The following IL1RAP variants were observed in gnomAD, a reference collection of about 807,000 sequenced individuals.
IL1RAP encodes the protein interleukin-1 receptor accessory protein.
Under a neutral mutation model 60.7 loss-of-function variants are expected in IL1RAP, and 35 were observed. The observed-to-expected ratio is 0.58, with a 90% confidence interval of 0.44 to 0.76. IL1RAP has a LOEUF of 0.76. IL1RAP is among the 30% of genes least tolerant of loss of function. The pLI, the probability that IL1RAP is intolerant of heterozygous loss-of-function variation, is 0.00. For missense variants in IL1RAP, 572 were observed against 693.9 expected (o/e 0.82, Z 1.97); for synonymous variants, 268 against 250.9 (o/e 1.07, Z -0.64).
rs112273525 is a variant in IL1RAP at position 190,515,706 on chromosome 3, G to A, written c.-89+1487G>A. 2.1e-4 allele frequency among the ~76,000 whole-genome samples: 32 copies of A among 152,050 alleles called. 1 individual carries two copies. Among genetic ancestry groups the A allele is most frequent in the African/African-American group, 7.2e-4 (30 of 41,494 alleles). ...AAGAGGGTCTTGAAATGGGTGAGAG[G>A]CAGAAAGACAAGAAGACAAAGTTGG... On this transcript the variant is annotated intron_variant, in intron 1 of 11. Coordinates refer to ENST00000447382, the MANE Select transcript of IL1RAP (RefSeq NM_002182.4).
At chr3:190,557,145 A>G (rs1424536697) in intron 2 of IL1RAP, among the ~76,000 whole-genome samples, 2 of 152,200 alleles carry the variant, frequency 1.3e-5, no homozygotes, top group Non-Finnish European at 2.9e-5. Context: ...CTAAGAGGTC[A>G]GTATGAATAT....
At chr3:190,530,273 C>T (rs1304671290) in intron 1 of IL1RAP, among the ~76,000 whole-genome samples, 1 of 152,096 alleles carries the variant, frequency 6.6e-6, no homozygotes, top group East Asian at 1.9e-4. Flanking sequence ...GAAATTCATA[C>T]TTAATCCTAT....
intron 3 of IL1RAP, among the ~76,000 whole-genome samples, chr3:190,592,608 T>C (rs1729037863): frequency 6.6e-6 from 1 of 152,194 alleles, no homozygotes; most frequent in Non-Finnish European, 1.5e-5. Flanking sequence ...TTGTAGAAAG[T>C]GACGCTTGTA....
At chr3:190,564,456 T>C in intron 3 of IL1RAP, 103 bp downstream of exon 3, 1 of 785,284 alleles carries the variant, frequency 1.3e-6, no homozygotes, top group Non-Finnish European at 2.3e-6. Flanking sequence ...ATGTTATTCA[T>C]GTCCATTGTC....
intron 1 of IL1RAP, among the ~76,000 whole-genome samples, chr3:190,547,575 T>C (rs745516984): frequency 2.0e-5 from 3 of 152,196 alleles, no homozygotes; most frequent in Non-Finnish European, 4.4e-5. Flanking sequence ...ATTATCTTTG[T>C]GTTTCAGGGA....
At chr3:190,559,323 C>A (rs544555912) in intron 2 of IL1RAP, among the ~76,000 whole-genome samples, 3 of 152,068 alleles carry the variant, frequency 2.0e-5, no homozygotes, top group Non-Finnish European at 4.4e-5. Flanking sequence ...TTGTTCTTTT[C>A]AAAGAACTAA....
chr3:190,625,879 A>C (rs1732220328), intron 7 of IL1RAP, among the ~76,000 whole-genome samples: 1 of 152,240 alleles, frequency 6.6e-6, no homozygotes. Flanking sequence ...CTATGCTGAC[A>C]GAAGGATTGT....
chr3:190,551,661 T>C (rs907351344), intron 1 of IL1RAP, among the ~76,000 whole-genome samples: 1 of 152,230 alleles, frequency 6.6e-6, no homozygotes, highest in African/African-American at 2.4e-5. Flanking sequence ...ACATTTTTCT[T>C]TTATTCCACT....
downstream of IL1RAP, among the ~76,000 whole-genome samples, chr3:190,655,366 TAAG>T (rs1734580343): frequency 6.6e-6 from 1 of 152,058 alleles, no homozygotes. Flanking sequence ...AATCCAGACA[TAAG>T]AAGAAAATAC....
chr3:190,528,696 C>T (rs532454782), intron 1 of IL1RAP, among the ~76,000 whole-genome samples: 1 of 152,236 alleles, frequency 6.6e-6, no homozygotes, highest in East Asian at 1.9e-4. Context: ...TTTCAAATAG[C>T]ATGAGAATAC....
rs1311186829 is a variant in IL1RAP at position 190,522,431 on chromosome 3, C to CTATGTATCTATG, written c.-89+8215_-89+8216insGTATCTATGTAT. 1.3e-3 allele frequency among the ~76,000 whole-genome samples: 187 copies of CTATGTATCTATG among 143,516 alleles called. 1 individual carries two copies. Among genetic ancestry groups the CTATGTATCTATG allele is most frequent in the African/African-American group, 4.7e-3 (177 of 37,622 alleles). The allele number at this position is 143,516 out of a possible 152,430, so 94.2% of individuals were successfully genotyped here. A position where few individuals can be genotyped will look rare whatever the true frequency, so the allele number is the denominator to read the frequency against. ...TCTATGTATCTATGTATCTATCTATCTATCTATCTATCTATCTATCTATCT... is the reference window on the plus strand; with the variant it reads ...TCTATGTATCTATGTATCTATCTATCTATGTATCTATGTATCTATCTATCTATCTATCTATCT... On this transcript the variant is annotated intron_variant, in intron 1 of 11. Transcript: ENST00000447382.
intron 1 of IL1RAP, among the ~76,000 whole-genome samples, chr3:190,539,720 A>G (rs923001205): frequency 1.3e-4 from 20 of 151,260 alleles, no homozygotes; most frequent in African/African-American, 4.8e-4. Context: ...AAAATGAAAT[A>G]TATAATTATA....
At position 190,623,328 on chromosome 3, in the gene IL1RAP, A is replaced by C. The variant is rs1161394985; in HGVS notation, c.704-16A>C. 4.4e-6 allele frequency: 7 copies of C among 1,599,928 alleles called. No homozygotes were observed. In the African/African-American group the frequency reaches 9.4e-5, roughly 21 times the overall value. On this transcript the variant is annotated splice_polypyrimidine_tract_variant and intron_variant, in intron 6 of 11. Transcript: ENST00000447382. ...TGATTTAACATCATCTCCCTTTTTT[A>C]TTTCCTCTAACACAGGCTCTCCAAA...
chr3:190,654,930 C>G (rs77645996), downstream of IL1RAP, among the ~76,000 whole-genome samples: 1 of 152,228 alleles, frequency 6.6e-6, no homozygotes, highest in Admixed American at 6.5e-5. Context: ...CACTTTGATA[C>G]CATTAGAATC....
chr3:190,619,893 T>C (rs1324418495), intron 5 of IL1RAP, among the ~76,000 whole-genome samples: 4 of 152,170 alleles, frequency 2.6e-5, no homozygotes, highest in South Asian at 2.1e-4. Flanking sequence ...TGAAGAAATA[T>C]TATAAAAAGA....
At chr3:190,620,716 A>G (rs1303308261) in intron 6 of IL1RAP, among the ~76,000 whole-genome samples, 1 of 152,180 alleles carries the variant, frequency 6.6e-6, no homozygotes, top group African/African-American at 2.4e-5. Flanking sequence ...AAATTCTGTC[A>G]CTGCCACTTA....
chr3:190,627,465 G>A lies in IL1RAP; in HGVS notation c.902+16G>A, dbSNP rs1732407684. On this transcript the variant is annotated intron_variant, in intron 8 of 11. Transcript: ENST00000447382. ...TTAACGAAAGGTATCATGGGGGCCA[G>A]CAAGGGAGTGATTAACCTTTGTTTC... The A allele has an allele frequency of 6.2e-7, 1 of 1,605,502 alleles. No homozygotes were observed.
intron 3 of IL1RAP, among the ~76,000 whole-genome samples, chr3:190,600,529 G>C (rs1005806739): frequency 6.6e-6 from 1 of 152,184 alleles, no homozygotes; most frequent in African/African-American, 2.4e-5. Context: ...GAACAAAGTT[G>C]TGTGGTATGC....
At chr3:190,570,839 G>C (rs56287632) in intron 3 of IL1RAP, among the ~76,000 whole-genome samples, 6,567 of 152,176 alleles carry the variant, frequency 0.043, 463 homozygotes, top group African/African-American at 0.15. Context: ...GTGCTGGAAT[G>C]GCAGGCTACT....
Sources: allele counts gnomAD v4.1 joint callset (sites outside exome capture counted in the v4.1 genomes callset), GRCh38; gene constraint gnomAD v4.1.1; transcripts MANE v1.5; gene names NCBI Gene and HGNC (gene_info 2026-07-23, HGNC 2026-07-21).